Variants in SORL1 observed in about 807,000 individuals in gnomAD.
The protein encoded by SORL1 is sortilin-related receptor.
A neutral mutation model predicts 273.7 loss-of-function variants in SORL1; 127 were observed. The observed-to-expected ratio is 0.46, with a 90% CI of 0.40 to 0.54. The LOEUF is 0.54. Ranked by LOEUF, SORL1 falls within the 20% of genes least tolerant of loss-of-function variation. The pLI is 0.00. For synonymous variants in SORL1, 1,031 were observed against 1,067.4 expected, an observed-to-expected ratio of 0.97 and a Z score of 0.66; for missense variants, 2,494 against 2,846.1, an observed-to-expected ratio of 0.88 and a Z score of 2.81.
At chr11:121,539,745 A>G (rs1214184525) in intron 12 of SORL1, among the ~76,000 whole-genome samples, 3 of 152,144 alleles carry the variant, frequency 2.0e-5, no homozygotes, top group Admixed American at 6.5e-5. Flanking sequence ...AGTATTTTCA[A>G]TTCAAAGTTC....
Position 121,622,363 on chromosome 11 carries a change from T to TAA in SORL1, c.6171+103_6171+104dup, listed in dbSNP as rs11454566. The TAA allele has an allele frequency of 7.5e-3, 3,162 of 422,648 alleles. 5 individuals are homozygous for TAA. The highest frequency in any genetic ancestry group is 0.044 in the South Asian group (1,245 of 28,552). The allele number at this position is 422,648 out of a possible 1,614,324, so 26.2% of individuals were successfully genotyped here. A position where few individuals can be genotyped will look rare whatever the true frequency, so the allele number is the denominator to read the frequency against. On this transcript the variant is annotated intron_variant, in intron 45 of 47. Transcript: ENST00000260197. ...TGACAGCATGCTGGCATAGATAGTG[T>TAA]AAAAAAAAAGAAAGAAAAAGAATAG... is the stretch of plus-strand genomic sequence containing the variant.
At chr11:121,534,149 C>T (rs778138274) in intron 12 of SORL1, among the ~76,000 whole-genome samples, 7 of 152,174 alleles carry the variant, frequency 4.6e-5, no homozygotes, top group Non-Finnish European at 8.8e-5. Context: ...GTGTGTAATA[C>T]GCACGTAGGG....
rs1046436592 is a variant in SORL1 at position 121,630,607 on chromosome 11, A to G, written c.*1044A>G. 6.6e-6 allele frequency: 1 copy of G among 152,146 alleles called. No individual in the cohort carries two copies. The highest frequency in any genetic ancestry group is 1.5e-5 in the Non-Finnish European group (1 of 68,036). 9.4% of individuals were successfully genotyped at this position (152,146 alleles called of 1,614,324 possible). On this transcript the variant is annotated 3_prime_UTR_variant, in exon 48 of 48. Transcript: ENST00000260197. ...CATACTGATATATGCAGTCATTTTG[A>G]ATTGGACAGTGCCTTCTCTTTTTTT...
rs1277214034 is a variant in SORL1, at chr11:121,631,457, C to T, written c.*1894C>T. The T allele has an allele frequency of 1.3e-5, 2 of 152,102 alleles. No homozygotes were observed. The highest frequency in any genetic ancestry group is 2.9e-5 in the Non-Finnish European group (2 of 68,034). The allele number at this position is 152,102 out of a possible 1,614,324, so 9.4% of individuals were successfully genotyped here. A position where few individuals can be genotyped will look rare whatever the true frequency, so the allele number is the denominator to read the frequency against. On this transcript the variant is annotated 3_prime_UTR_variant, in exon 48 of 48. Transcript: ENST00000260197. ...AAAACTCTAAGCCCTACCACCTCCC[C>T]TTTAATAAGCTCTTTAAATAGTTGA...
chr11:121,475,308 TA>T (rs10713391), intron 2 of SORL1, among the ~76,000 whole-genome samples: 131,857 of 152,116 alleles, frequency 0.87, 57,511 homozygotes, highest in Non-Finnish European at 0.91. Flanking sequence ...GAAGGTAGGA[TA>T]AAAATGTCAT....
intron 2 of SORL1, among the ~76,000 whole-genome samples, chr11:121,472,275 G>A (rs1483691045): frequency 6.6e-6 from 1 of 152,206 alleles, no homozygotes; most frequent in Non-Finnish European, 1.5e-5. Context: ...GTGCTATACT[G>A]TGTTGAGAAA....
At position 121,607,261 on chromosome 11, in the gene SORL1, T is replaced by C. The variant is rs1400797710; in HGVS notation, c.5137T>C (p.Leu1713=). 2 of 1,608,416 alleles carry C rather than the reference T, an allele frequency of 1.2e-6. No homozygotes were observed. Among genetic ancestry groups the C allele is most frequent in the Non-Finnish European group, 1.7e-6 (2 of 1,175,022 alleles). Reference sequence around the variant, plus strand: ...TAGTAACTTTACAGAAATCAAGAACTTATTGGTCAACACTCTATACACCGT... The same window carrying C: ...TAGTAACTTTACAGAAATCAAGAACCTATTGGTCAACACTCTATACACCGT... ...AASNFTEIKN[L]LVNTLYTVRV... The change falls in exon 37 of 48, where the codon TTA becomes CTA. Residue 1713 remains leucine, a synonymous_variant. Coordinates refer to ENST00000260197, the MANE Select transcript of SORL1 (RefSeq NM_003105.6).
In SORL1 at chr11:121,490,695, C is replaced by T. The variant is rs149167004; in HGVS notation, c.758+585C>T. ...GGCAGAGGTTGCAGTGAGCCGAGAT[C>T]GCATCACTGCACTGCAGCCTGGGCG... On this transcript the variant is annotated intron_variant, in intron 5 of 47. Coordinates refer to ENST00000260197, the MANE Select transcript of SORL1 (RefSeq NM_003105.6). 8.1e-3 allele frequency among the ~76,000 whole-genome samples: 1,177 copies of T among 145,786 alleles called. 16 individuals are homozygous for T. Among genetic ancestry groups the T allele is most frequent in the African/African-American group, 0.028 (1,082 of 39,288 alleles).
chr11:121,519,820 C>T (rs1024654105), intron 8 of SORL1, among the ~76,000 whole-genome samples: 10 of 152,128 alleles, frequency 6.6e-5, no homozygotes, highest in Non-Finnish European at 7.3e-5. Flanking sequence ...GAGTCAATTT[C>T]GTTAGTGATG....
intron 6 of SORL1, among the ~76,000 whole-genome samples, chr11:121,512,082 A>AT (rs1489703434): frequency 6.6e-6 from 1 of 152,196 alleles, no homozygotes; most frequent in Non-Finnish European, 1.5e-5. Flanking sequence ...CAGAGTTTTT[A>AT]TAATAGTTCT....
At position 121,588,115 on chromosome 11, in the gene SORL1, G is replaced by A; in HGVS notation, c.3910G>A (p.Asp1304Asn). The A allele has an allele frequency of 2.5e-6, 4 of 1,613,792 alleles. No individual in the cohort carries two copies. The highest frequency in any genetic ancestry group is 3.4e-6 in the Non-Finnish European group (4 of 1,179,822). Residue 1304 changes from aspartate (D) to asparagine (N), a missense_variant, in exon 28 of 48, where the codon GAC (aspartate) becomes AAC (asparagine). Asp to Asn is a conservative substitution (Grantham distance 23, BLOSUM62 1). Around this residue, in one of 3 missense-constraint regions of SORL1, gnomAD observed 1,609 missense variants for 1,816.4 expected, o/e 0.89. Coordinates refer to ENST00000260197, the MANE Select transcript of SORL1 (RefSeq NM_003105.6). ...CTGTGACGGAATCATCCAGTGCCGCGACGGGTCCGATGAGGATGCGGCGTT... is the reference window on the plus strand; with the variant it reads ...CTGTGACGGAATCATCCAGTGCCGCAACGGGTCCGATGAGGATGCGGCGTT... ...MVCDGIIQCRDGSDEDAAFAG... is the reference protein window; with the variant it reads ...MVCDGIIQCRNGSDEDAAFAG...
intron 12 of SORL1, among the ~76,000 whole-genome samples, chr11:121,539,629 C>G (rs77077379): frequency 0.031 from 4,770 of 151,818 alleles, 186 homozygotes; most frequent in East Asian, 0.2. Context: ...TTTTTTTAGA[C>G]CCAGCTTTAC....
chr11:121,465,845 A>T (rs1861074378), intron 1 of SORL1, among the ~76,000 whole-genome samples: 1 of 152,140 alleles, frequency 6.6e-6, no homozygotes, highest in African/African-American at 2.4e-5. Context: ...CTTTTAAAAA[A>T]GACTGATTCC....
intron 11 of SORL1, among the ~76,000 whole-genome samples, chr11:121,525,005 C>T (rs1159732986): frequency 6.6e-6 from 1 of 152,176 alleles, no homozygotes; most frequent in Non-Finnish European, 1.5e-5. Context: ...CAGTACACTG[C>T]ACATATTTAA....
At chr11:121,514,901 G>C (rs373474318) in intron 8 of SORL1, among the ~76,000 whole-genome samples, 1 of 152,082 alleles carries the variant, frequency 6.6e-6, no homozygotes, top group East Asian at 1.9e-4. Context: ...GGTTTGGGAG[G>C]GATGAATTGG....
At chr11:121,625,984 A>C (rs978965296) in intron 46 of SORL1, among the ~76,000 whole-genome samples, 1 of 152,158 alleles carries the variant, frequency 6.6e-6, no homozygotes, top group East Asian at 1.9e-4. Context: ...AGTGTTTCTC[A>C]GGGTGAGATC....
Position 121,596,473 on chromosome 11 carries a change from C to T in SORL1, c.4519+701C>T, listed in dbSNP as rs931051445. Among the ~76,000 whole-genome samples, 12 of 152,202 alleles carry T rather than the reference C, an allele frequency of 7.9e-5. No individual in the cohort carries two copies. The East Asian group carries it at 1.2e-3, about 15-fold the overall frequency. ...GTCCCTGGCTGCACGCTAATGCCGC[C>T]GTTGGCTGGTCTGTCCTACTGTAGC... On this transcript the variant is annotated intron_variant, in intron 32 of 47. Coordinates refer to ENST00000260197, the MANE Select transcript of SORL1 (RefSeq NM_003105.6). This position sits in a 1 kb window ranked among gnomAD's most constrained non-coding sequence, Gnocchi z 4.3.
Position 121,625,121 on chromosome 11 carries a change from A to G in SORL1, c.6208A>G (p.Ile2070Val), listed in dbSNP as rs1863776138. The change falls in exon 46 of 48, where the codon ATC becomes GTC. Residue 2070 changes from isoleucine (I) to valine (V), a missense_variant. This residue lies in a region of SORL1 where 1,609 missense variants were observed against 1,816.4 expected (regional missense o/e 0.89). Coordinates refer to ENST00000260197, the MANE Select transcript of SORL1 (RefSeq NM_003105.6). ...EIHMFDSAMNITAYLGNTTDN... is the reference protein window; with the variant it reads ...EIHMFDSAMNVTAYLGNTTDN... ...ACACATGTTTGATAGTGCCATGAAT[A>G]TCACAGCTTACCTTGGGAATACTAC... is the stretch of plus-strand genomic sequence containing the variant. 6.2e-7 allele frequency: 1 copy of G among 1,613,678 alleles called. No individual in the cohort carries two copies. The highest frequency in any genetic ancestry group is 8.5e-7 in the Non-Finnish European group (1 of 1,179,624).
At chr11:121,499,664 C>T (rs548254800) in intron 6 of SORL1, among the ~76,000 whole-genome samples, 233 of 152,306 alleles carry the variant, frequency 1.5e-3, no homozygotes, top group Non-Finnish European at 1.9e-3. Context: ...GACTGCTAAA[C>T]GACAAGGATA....
Sources: gnomAD v4.1 joint callset for allele counts (sites outside exome capture counted in the v4.1 genomes callset) on GRCh38, gnomAD v4.1.1 for gene constraint, gnomAD v4.1.1 regional missense constraint, Gnocchi (gnomAD v3.1) non-coding constraint, MANE v1.5 for transcripts, NCBI Gene and HGNC (gene_info 2026-07-23, HGNC 2026-07-21) for gene names.